The following SST variants were observed in gnomAD, a reference collection of about 807,000 sequenced individuals.
SST encodes somatostatin.
SST carries 7 observed loss-of-function variants against 10.4 expected under a neutral mutation model. The observed-to-expected ratio is 0.67, with a 90% CI of 0.38 to 1.26. The LOEUF (loss-of-function observed/expected upper bound fraction) is 1.26. SST is among the 50% of genes most tolerant of loss of function. SST has a pLI of 0.02. For missense variants in SST, 145 were observed against 140.8 expected (o/e 1.03, Z -0.15); for synonymous variants, 63 against 63.9 (o/e 0.99, Z 0.07).
rs368863156 is a variant in SST at position 187,670,136 on chromosome 3, T to C, written c.138+18A>G. On this transcript the variant is annotated intron_variant, in intron 1 of 1. Coordinates refer to ENST00000287641, the MANE Select transcript of SST (RefSeq NM_001048.4). ...GGAGGGCTGGAGAATCCGGGAGACG[T>C]CGAGGGAGTCTCCTTACCTGCTTCC... The C allele has an allele frequency of 4.7e-5, 74 of 1,575,938 alleles. No homozygotes were observed. The African/African-American group carries it at 9.5e-4, about 20-fold the overall frequency.
intron 1 of SST, among the ~76,000 whole-genome samples, chr3:187,669,556 A>C (rs1218042152): frequency 7.7e-6 from 1 of 130,110 alleles, no homozygotes; most frequent in African/African-American, 3.2e-5. Context: ...ACACACACGC[A>C]CAAACACACA....
chr3:187,669,559 AACACAC>A (rs58680547), intron 1 of SST, among the ~76,000 whole-genome samples: 21,322 of 145,138 alleles, frequency 0.15, 1,766 homozygotes, highest in African/African-American at 0.24. Flanking sequence ...CACACGCACA[AACACAC>A]ACACACACAC....
At chr3:187,669,900 T>C (rs1717197411) in intron 1 of SST, among the ~76,000 whole-genome samples, 1 of 152,140 alleles carries the variant, frequency 6.6e-6, no homozygotes. Flanking sequence ...TACCCAGATT[T>C]TGTAATTTTC....
At chr3:187,669,563 C>CGCACAA (rs1442549541) in intron 1 of SST, among the ~76,000 whole-genome samples, 2 of 105,772 alleles carry the variant, frequency 1.9e-5, no homozygotes, top group Non-Finnish European at 3.8e-5. Flanking sequence ...CGCACAAACA[C>CGCACAA]ACACACACAC....
intron 1 of SST, among the ~76,000 whole-genome samples, 184 bp downstream of exon 1, chr3:187,669,970 A>T (rs906493200): frequency 1.4e-4 from 22 of 152,178 alleles, no homozygotes; most frequent in Non-Finnish European, 1.2e-4. Flanking sequence ...ATGGGGGAAA[A>T]AAAGAGTTAG....
Position 187,668,948 on chromosome 3 carries a change from A to G in SST, c.*117T>C. 1 of 911,376 alleles carries G rather than the reference A, an allele frequency of 1.1e-6. No homozygotes were observed. The highest frequency in any genetic ancestry group is 1.7e-6 in the Non-Finnish European group (1 of 576,356). 56.5% of individuals were successfully genotyped at this position (911,376 alleles called of 1,614,324 possible). On this transcript the variant is annotated 3_prime_UTR_variant, in exon 2 of 2. Coordinates refer to ENST00000287641, the MANE Select transcript of SST (RefSeq NM_001048.4). ...TTCACCATAATTTTATTTTGTATTT[A>G]CAGTTTTCAGTTTCTAATGCAAGGG...
At chr3:187,669,386 C>T (rs1717183042) in intron 1 of SST, 109 bp from the exon 2 acceptor site, 2 of 1,005,394 alleles carry the variant, frequency 2.0e-6, no homozygotes, top group South Asian at 1.5e-5. Context: ...ACACAAAATC[C>T]AGTTTTTACA....
intron 1 of SST, among the ~76,000 whole-genome samples, chr3:187,669,568 A>T (rs1717190074): frequency 6.7e-6 from 1 of 148,216 alleles, no homozygotes; most frequent in African/African-American, 2.6e-5. Flanking sequence ...AAACACACAC[A>T]CACACACACA....
At position 187,669,275 on chromosome 3, in the gene SST, T is replaced by G. The variant is rs1717180650; in HGVS notation, c.141A>C (p.Glu47Asp). The change falls in exon 2 of 2, where the codon GAA becomes GAC. Residue 47 changes from glutamate (E) to aspartate (D), a missense_variant and splice_region_variant. By Grantham distance (45) the Glu-to-Asp change is conservative (BLOSUM62 2). Transcript: ENST00000287641. ...KSLAAAAGKQ[E>D]LAKYFLAELL... ...GCTCTGCCAAGAAGTACTTGGCCAG[T>G]TCCTGTATAGGGCAGAAGGGATAGA... The G allele has an allele frequency of 6.2e-7, 1 of 1,613,584 alleles. No individual in the cohort carries two copies. The highest frequency in any genetic ancestry group is 8.5e-7 in the Non-Finnish European group (1 of 1,179,976).
Position 187,669,281 on chromosome 3 carries a change from T to C in SST, c.139-4A>G, listed in dbSNP as rs1344471463. ...CCAAGAAGTACTTGGCCAGTTCCTGTATAGGGCAGAAGGGATAGAAAAAGA... is the reference window on the plus strand; with the variant it reads ...CCAAGAAGTACTTGGCCAGTTCCTGCATAGGGCAGAAGGGATAGAAAAAGA... On this transcript the variant is annotated splice_region_variant and splice_polypyrimidine_tract_variant and intron_variant, in intron 1 of 1. Coordinates refer to ENST00000287641, the MANE Select transcript of SST (RefSeq NM_001048.4). The C allele has an allele frequency of 1.2e-6, 2 of 1,613,136 alleles. No homozygotes were observed. Among genetic ancestry groups the C allele is most frequent in the Admixed American group, 1.7e-5 (1 of 59,960 alleles).
At chr3:187,670,063 A>G in intron 1 of SST, 91 bp downstream of exon 1, 1 of 1,388,760 alleles carries the variant, frequency 7.2e-7, no homozygotes, top group Non-Finnish European at 9.7e-7. Context: ...CTTTAGAAGG[A>G]CTGAGCATCC....
chr3:187,669,559 A>AACACACAC (rs58680547), intron 1 of SST, among the ~76,000 whole-genome samples: 11 of 145,230 alleles, frequency 7.6e-5, no homozygotes, highest in Non-Finnish European at 1.4e-4. Context: ...CACACGCACA[A>AACACACAC]ACACACACAC....
At chr3:187,669,579 C>A (rs912801207) in intron 1 of SST, among the ~76,000 whole-genome samples, 19 of 151,312 alleles carry the variant, frequency 1.3e-4, no homozygotes, top group African/African-American at 4.4e-4. Context: ...CACACACACA[C>A]ACACACATAA....
chr3:187,669,381 A>G, intron 1 of SST, 104 bp from the exon 2 acceptor site: 1 of 1,152,832 alleles, frequency 8.7e-7, no homozygotes, highest in Non-Finnish European at 1.2e-6. Flanking sequence ...GTCACACACA[A>G]AATCCAGTTT....
chr3:187,669,481 G>C (rs895114618), intron 1 of SST, among the ~76,000 whole-genome samples: 10 of 151,170 alleles, frequency 6.6e-5, no homozygotes, highest in African/African-American at 2.2e-4. Context: ...ACACAAAAAG[G>C]CTTTAAGAGC....
Position 187,669,211 on chromosome 3 carries a change from C to T in SST, c.205G>A (p.Glu69Lys), listed in dbSNP as rs757462006. ...EPNQTENDAL[E>K]PEDLSQAAEQ... ...GCAGCCTGGGACAGATCTTCAGGTT[C>T]CAGGGCATCATTCTCCGTCTGGTTG... Residue 69 changes from glutamate (E) to lysine (K), a missense_variant, in exon 2 of 2, where the codon GAA becomes AAA. Coordinates refer to ENST00000287641, the MANE Select transcript of SST (RefSeq NM_001048.4). 3 of 1,613,914 alleles carry T rather than the reference C, an allele frequency of 1.9e-6. No individual in the cohort carries two copies. Among genetic ancestry groups the T allele is most frequent in the East Asian group, 4.5e-5 (2 of 44,864 alleles).
rs1403552131 is a variant in SST, at chr3:187,670,050, A to C, written c.138+104T>G. On this transcript the variant is annotated intron_variant, in intron 1 of 1. Coordinates refer to ENST00000287641, the MANE Select transcript of SST (RefSeq NM_001048.4). ...CTGAGGGACCCAGAAAAGCACCAAA[A>C]CTCTTTAGAAGGACTGAGCATCCCT... 3 of 1,299,666 alleles carry C rather than the reference A, an allele frequency of 2.3e-6. No homozygotes were observed. In the African/African-American group the frequency reaches 4.5e-5, roughly 19 times the overall value. The allele number at this position is 1,299,666 out of a possible 1,614,324, so 80.5% of individuals were successfully genotyped here.
At chr3:187,669,866 A>G (rs771004158) in intron 1 of SST, among the ~76,000 whole-genome samples, 2 of 152,148 alleles carry the variant, frequency 1.3e-5, no homozygotes, top group African/African-American at 2.4e-5. Context: ...GATAGACGCC[A>G]TTGTCGCTTC....
chr3:187,669,373 C>T (rs1717182780), intron 1 of SST, 96 bp from the exon 2 acceptor site: 1 of 1,236,452 alleles, frequency 8.1e-7, no homozygotes, highest in Admixed American at 2.1e-5. Flanking sequence ...CAGATTTGGT[C>T]ACACACAAAA....
Sources: allele counts gnomAD v4.1 joint callset (sites outside exome capture counted in the v4.1 genomes callset), GRCh38; gene constraint gnomAD v4.1.1; transcripts MANE v1.5; gene names NCBI Gene and HGNC (gene_info 2026-07-23, HGNC 2026-07-21).